The following NAA15 variants were observed in gnomAD, a reference collection of about 807,000 sequenced individuals.
NAA15 encodes N-alpha-acetyltransferase 15, NatA auxiliary subunit.
Under a neutral mutation model 114.0 loss-of-function variants are expected in NAA15, and 34 were observed. The observed-to-expected ratio is 0.30, with a 90% confidence interval of 0.23 to 0.40. NAA15 has a LOEUF of 0.40. Among genes scored for constraint, NAA15 ranks in the 10% least tolerant of loss-of-function variants. The pLI, the probability that NAA15 is intolerant of heterozygous loss-of-function variation, is 1.00. For synonymous variants in NAA15, 340 were observed against 338.0 expected (o/e 1.01, Z -0.06); for missense variants, 658 against 1,004.5 (o/e 0.66, Z 4.66).
At chr4:139,358,255 C>T (rs1273570109) in intron 11 of NAA15, among the ~76,000 whole-genome samples, 2 of 150,626 alleles carry the variant, frequency 1.3e-5, no homozygotes, top group African/African-American at 2.4e-5. Flanking sequence ...TGCAGTGGCG[C>T]GATCTCAGCT....
At position 139,340,991 on chromosome 4, in the gene NAA15, A is replaced by G. The variant is rs544946414; in HGVS notation, c.324A>G (p.Lys108=). The G allele has an allele frequency of 3.1e-6, 5 of 1,611,126 alleles. No homozygotes were observed. In the Admixed American group the frequency reaches 8.4e-5, roughly 27 times the overall value. The change falls in exon 4 of 20, where the codon AAA becomes AAG. Residue 108 remains lysine, a synonymous_variant. Coordinates refer to ENST00000296543, the MANE Select transcript of NAA15 (RefSeq NM_057175.5). ...TTAAGTGTTACAGAAATGCACTAAAATGGGATAAAGACAATCTTCAAATCT... is the reference window on the plus strand; with the variant it reads ...TTAAGTGTTACAGAAATGCACTAAAGTGGGATAAAGACAATCTTCAAATCT... ...EAIKCYRNAL[K]WDKDNLQILR... is the part of the protein sequence containing the mutation.
chr4:139,347,163 T>G (rs1052808384), intron 6 of NAA15, among the ~76,000 whole-genome samples: 1 of 152,174 alleles, frequency 6.6e-6, no homozygotes, highest in African/African-American at 2.4e-5. Context: ...ATTTTGGGCC[T>G]GAGTTGTTGA....
chr4:139,318,481 G>A (rs560678149), intron 1 of NAA15: 33 of 152,114 alleles, frequency 2.2e-4, no homozygotes, highest in African/African-American at 7.0e-4. Context: ...AATATTCCAT[G>A]TTTTCTTAAA....
intron 4 of NAA15, among the ~76,000 whole-genome samples, chr4:139,342,172 CTT>C (rs1747424247): frequency 6.6e-6 from 1 of 152,120 alleles, no homozygotes. Context: ...TAGTTGGACA[CTT>C]AATTTTTAAA....
At chr4:139,315,032 T>TTAGGTTAGGG in intron 1 of NAA15, among the ~76,000 whole-genome samples, 1 of 120,912 alleles carries the variant, frequency 8.3e-6, no homozygotes, top group South Asian at 2.4e-4. Flanking sequence ...TTAGGTTAGG[T>TTAGGTTAGGG]TAGGTTAGGT....
intron 1 of NAA15, among the ~76,000 whole-genome samples, chr4:139,322,114 TG>T (rs1746637639): frequency 6.6e-6 from 1 of 152,190 alleles, no homozygotes; most frequent in Non-Finnish European, 1.5e-5. Context: ...TTAATAAAGA[TG>T]GGTTGATATG....
intron 18 of NAA15, among the ~76,000 whole-genome samples, chr4:139,385,270 C>CATATATATATATTATATATAT: frequency 1.1e-5 from 1 of 91,808 alleles, no homozygotes; most frequent in Non-Finnish European, 2.1e-5. Context: ...CAAAACCAAA[C>CATATATATATATTATATATAT]ATATATATAT....
At chr4:139,357,298 C>T (rs959148269) in intron 10 of NAA15, 88 bp from the exon 11 acceptor site, 3 of 1,081,172 alleles carry the variant, frequency 2.8e-6, no homozygotes, top group Non-Finnish European at 4.2e-6. Flanking sequence ...ATAGTACCTC[C>T]CTTGTTAATA....
At chr4:139,374,524 A>G (rs1748531811) in intron 15 of NAA15, among the ~76,000 whole-genome samples, 1 of 152,164 alleles carries the variant, frequency 6.6e-6, no homozygotes, top group South Asian at 2.1e-4. Context: ...TGGTTTTCAT[A>G]CACGTAATAC....
intron 1 of NAA15, among the ~76,000 whole-genome samples, chr4:139,328,547 C>G (rs1023313554): frequency 9.2e-4 from 137 of 149,498 alleles, no homozygotes; most frequent in African/African-American, 3.1e-3. Flanking sequence ...TTTCCTTTTC[C>G]TTTTCTTTTT....
intron 14 of NAA15, among the ~76,000 whole-genome samples, chr4:139,366,948 A>C (rs1309907592): frequency 6.6e-6 from 1 of 152,234 alleles, no homozygotes; most frequent in Non-Finnish European, 1.5e-5. Context: ...AGCCATTTCA[A>C]GGCCTTCAGA....
intron 2 of NAA15, 101 bp from the exon 3 acceptor site, chr4:139,336,747 G>T: frequency 1.9e-6 from 1 of 535,740 alleles, no homozygotes; most frequent in Non-Finnish European, 3.0e-6. Flanking sequence ...TAATTCTTAA[G>T]GCAGTGTAGC....
chr4:139,334,495 AATAATAGGAT>A (rs1322334747), intron 2 of NAA15, among the ~76,000 whole-genome samples: 1 of 82,740 alleles, frequency 1.2e-5, no homozygotes, highest in African/African-American at 5.8e-5. Context: ...GGAAAAGAGA[AATAATAGGAT>A]AGAATGCTAA....
intron 3 of NAA15, among the ~76,000 whole-genome samples, chr4:139,339,736 C>T (rs934330354): frequency 6.6e-6 from 1 of 151,780 alleles, no homozygotes; most frequent in Admixed American, 6.6e-5. Flanking sequence ...GGTGACAGAG[C>T]GAGACTCCAT....
rs1277505662 is a variant in NAA15 at position 139,390,392 on chromosome 4, AT to A, written c.*2309del. On this transcript the variant is annotated 3_prime_UTR_variant, in exon 20 of 20. Transcript: ENST00000296543. ...CACCCCTGAAACACTGTACTGTACT[AT>A]CTTGCTCTGAGTAGTATCAACTGGA... 6.6e-6 allele frequency: 1 copy of A among 152,638 alleles called. No homozygotes were observed. Among genetic ancestry groups the A allele is most frequent in the African/African-American group, 2.4e-5 (1 of 41,452 alleles). The allele number at this position is 152,638 out of a possible 1,614,324, so 9.5% of individuals were successfully genotyped here. A position where few individuals can be genotyped will look rare whatever the true frequency, so the allele number is the denominator to read the frequency against.
intron 1 of NAA15, among the ~76,000 whole-genome samples, chr4:139,305,189 T>C (rs545670023): frequency 9.7e-4 from 148 of 152,364 alleles, no homozygotes; most frequent in African/African-American, 3.4e-3. Context: ...ATCTTAATTT[T>C]TTTGTGGTAG....
chr4:139,311,074 GCCACCATGCCTGGCTAAA>G (rs1249478686), intron 1 of NAA15, among the ~76,000 whole-genome samples: 1 of 151,436 alleles, frequency 6.6e-6, no homozygotes, highest in African/African-American at 2.4e-5. Flanking sequence ...ACAGGCACAT[GCCACCATGCCTGGCTAAA>G]CAGGTGTCCT....
chr4:139,369,737 CAAAA>C (rs1247894181), intron 14 of NAA15, among the ~76,000 whole-genome samples: 27 of 79,234 alleles, frequency 3.4e-4, no homozygotes, highest in Non-Finnish European at 4.8e-4. Context: ...GACTCCGTCT[CAAAA>C]AAAAAAAAAA....
At position 139,340,985 on chromosome 4, in the gene NAA15, A is replaced by G. The variant is rs1336616459; in HGVS notation, c.318A>G (p.Ala106=). 5 of 1,610,348 alleles carry G rather than the reference A, an allele frequency of 3.1e-6. No individual in the cohort carries two copies. The highest frequency in any genetic ancestry group is 4.2e-6 in the Non-Finnish European group (5 of 1,178,512). ...AAGCCATTAAGTGTTACAGAAATGC[A>G]CTAAAATGGGATAAAGACAATCTTC... ...YDEAIKCYRN[A]LKWDKDNLQI... Residue 106 remains alanine, a synonymous_variant, in exon 4 of 20, where the codon GCA becomes GCG. Transcript: ENST00000296543.
Sources: allele counts gnomAD v4.1 joint callset (sites outside exome capture counted in the v4.1 genomes callset), GRCh38; gene constraint gnomAD v4.1.1; transcripts MANE v1.5; gene names NCBI Gene and HGNC (gene_info 2026-07-23, HGNC 2026-07-21).